The following SLC39A14 variants were observed in gnomAD, a reference collection of about 807,000 sequenced individuals.
The protein encoded by SLC39A14 is metal cation symporter ZIP14.
A neutral mutation model predicts 45.5 loss-of-function variants in SLC39A14; 19 were observed. The observed-to-expected ratio is 0.42, with a 90% CI of 0.29 to 0.61. SLC39A14 has a LOEUF of 0.61. SLC39A14 is among the 20% of genes least tolerant of loss of function. SLC39A14 has a pLI of 0.22. For missense variants in SLC39A14, 447 were observed against 616.5 expected (o/e 0.73, Z 2.91); for synonymous variants, 264 against 251.3 (o/e 1.05, Z -0.48).
Position 22,411,797 on chromosome 8 carries a change from T to C in SLC39A14, c.458-240T>C, listed in dbSNP as rs1008145109. The C allele has an allele frequency of 2.8e-5, 14 of 504,452 alleles. No individual in the cohort carries two copies. In the East Asian group the frequency reaches 4.8e-4, roughly 17 times the overall value. 31.2% of individuals were successfully genotyped at this position (504,452 alleles called of 1,614,324 possible). A position where few individuals can be genotyped will look rare whatever the true frequency, so the allele number is the denominator to read the frequency against. On this transcript the variant is annotated intron_variant, in intron 3 of 8. Coordinates refer to ENST00000381237, the MANE Select transcript of SLC39A14 (RefSeq NM_001128431.4). The stretch of plus-strand genomic sequence containing the variant: ...GGCCACCTTGAATTCCTCTTTCTTC[T>C]GAACTGATTGAAGGAAATTTCATCA...
chr8:22,403,495 G>C (rs1205260696), intron 1 of SLC39A14, among the ~76,000 whole-genome samples: 2 of 149,926 alleles, frequency 1.3e-5, no homozygotes, highest in Middle Eastern at 6.8e-3. Flanking sequence ...TGGCTCAGCT[G>C]GTCTCGAACT....
At position 22,415,580 on chromosome 8, in the gene SLC39A14, G is replaced by A. The variant is rs1835823690; in HGVS notation, c.751-189G>A. ...CACAGTGCTGGGATTACAGGTGTGA[G>A]CCACCGTGCCCGACCATGGCTTTAT... On this transcript the variant is annotated intron_variant, in intron 5 of 8. Transcript: ENST00000381237. The A allele has an allele frequency of 1.8e-5, 10 of 553,610 alleles. No individual in the cohort carries two copies. The South Asian group carries it at 1.9e-4, about 11-fold the overall frequency. 34.3% of individuals were successfully genotyped at this position (553,610 alleles called of 1,614,324 possible).
At chr8:22,429,061 A>G (rs1836429998) in intron 8 of SLC39A14, among the ~76,000 whole-genome samples, 2 of 152,000 alleles carry the variant, frequency 1.3e-5, no homozygotes, top group Non-Finnish European at 2.9e-5. Flanking sequence ...TCGCAAGGTC[A>G]GGAGATCGAG....
rs35981745 is a variant in SLC39A14 at position 22,432,645 on chromosome 8, A to AT, written c.1333-1227dup. Among the ~76,000 whole-genome samples the AT allele has an allele frequency of 8.7e-4, 99 of 114,064 alleles. 1 individual carries two copies. The highest frequency in any genetic ancestry group is 4.4e-3 in the Middle Eastern group (1 of 226). 74.8% of individuals were successfully genotyped at this position (114,064 alleles called of 152,430 possible). On this transcript the variant is annotated intron_variant, in intron 8 of 8. Coordinates refer to the SLC39A14 transcript ENST00000240095. ...AGGTGTTCACCACCGTGCCCGGCTA[A>AT]TTTTTTTTTTTTTTTTTTTGAGATG...
At chr8:22,413,592 A>G (rs796991682) in intron 4 of SLC39A14, among the ~76,000 whole-genome samples, 37 of 152,338 alleles carry the variant, frequency 2.4e-4, no homozygotes, top group African/African-American at 8.4e-4. Flanking sequence ...CATAAAGGCA[A>G]CAAACAGCCC....
intron 2 of SLC39A14, among the ~76,000 whole-genome samples, chr8:22,407,057 G>C (rs1199058252): frequency 6.6e-6 from 1 of 152,236 alleles, no homozygotes; most frequent in East Asian, 1.9e-4. Context: ...TGCCTCCCAA[G>C]GTGACTGTGT....
intron 1 of SLC39A14, among the ~76,000 whole-genome samples, chr8:22,390,899 G>A (rs544473530): frequency 6.6e-6 from 1 of 152,116 alleles, no homozygotes; most frequent in South Asian, 2.1e-4. Flanking sequence ...TAACAGTCCC[G>A]CGGGGAGAGC....
chr8:22,384,151 C>G (rs1833659113), intron 1 of SLC39A14, among the ~76,000 whole-genome samples: 1 of 152,204 alleles, frequency 6.6e-6, no homozygotes, highest in Admixed American at 6.5e-5. Flanking sequence ...CATGGTGACT[C>G]TGGCATCACT....
chr8:22,389,500 G>A (rs1345944857), intron 1 of SLC39A14, among the ~76,000 whole-genome samples: 1 of 152,036 alleles, frequency 6.6e-6, no homozygotes, highest in Non-Finnish European at 1.5e-5. Context: ...CTTGGCTGCA[G>A]GCCCAGCAGT....
chr8:22,422,635 T>C lies in SLC39A14; in HGVS notation c.*2937T>C. 1 of 981,352 alleles carries C rather than the reference T, an allele frequency of 1.0e-6. No individual in the cohort carries two copies. The highest frequency in any genetic ancestry group is 1.2e-6 in the Non-Finnish European group (1 of 826,106). 60.8% of individuals were successfully genotyped at this position (981,352 alleles called of 1,614,324 possible). ...AATTAACTTATGTGGACTGTAAATG[T>C]TTTATTTGTAAGATTCTATAAATAA... On this transcript the variant is annotated 3_prime_UTR_variant, in exon 9 of 9. Coordinates refer to ENST00000381237, the MANE Select transcript of SLC39A14 (RefSeq NM_001128431.4).
chr8:22,420,577 C>G lies in SLC39A14; in HGVS notation c.*879C>G, dbSNP rs1327690346. On this transcript the variant is annotated 3_prime_UTR_variant, in exon 9 of 9. Coordinates refer to ENST00000381237, the MANE Select transcript of SLC39A14 (RefSeq NM_001128431.4). ...CTGCCTCCTAGAAGCACATTCTGAG[C>G]ACATTTGAGACCTCTGTGTTAGAGG... 7 of 985,320 alleles carry G rather than the reference C, an allele frequency of 7.1e-6. No homozygotes were observed. The Admixed American group carries it at 4.3e-4, about 61-fold the overall frequency. 61.0% of individuals were successfully genotyped at this position (985,320 alleles called of 1,614,324 possible). A position where few individuals can be genotyped will look rare whatever the true frequency, so the allele number is the denominator to read the frequency against.
chr8:22,375,446 C>G (rs1212275302), intron 1 of SLC39A14, among the ~76,000 whole-genome samples: 1 of 151,336 alleles, frequency 6.6e-6, no homozygotes, highest in Non-Finnish European at 1.5e-5. Context: ...CTTACCTCGA[C>G]ATCAAAATTT....
Position 22,417,912 on chromosome 8 carries a change from TA to T in SLC39A14, c.1332+78del. The stretch of plus-strand genomic sequence containing the variant: ...TAGGTAGGTAGTTTTTTTTTATTTT[TA>T]TTTTTTTGAGATGGAGTCTCACTCT... On this transcript the variant is annotated intron_variant, in intron 8 of 8. Coordinates refer to ENST00000381237, the MANE Select transcript of SLC39A14 (RefSeq NM_001128431.4). 4.6e-6 allele frequency: 6 copies of T among 1,300,008 alleles called. No individual in the cohort carries two copies. In the African/African-American group the frequency reaches 5.9e-5, roughly 13 times the overall value. The allele number at this position is 1,300,008 out of a possible 1,614,324, so 80.5% of individuals were successfully genotyped here.
At chr8:22,383,354 C>T (rs1226537593) in intron 1 of SLC39A14, among the ~76,000 whole-genome samples, 1 of 152,160 alleles carries the variant, frequency 6.6e-6, no homozygotes, top group African/African-American at 2.4e-5. Flanking sequence ...GCACCTCATC[C>T]ACCCGCACAG....
chr8:22,401,979 C>G (rs533617590), intron 1 of SLC39A14, among the ~76,000 whole-genome samples: 1 of 152,302 alleles, frequency 6.6e-6, no homozygotes, highest in East Asian at 1.9e-4. Context: ...ACACATCTTT[C>G]TGCATATAGC....
At chr8:22,391,675 A>G (rs898725666) in intron 1 of SLC39A14, among the ~76,000 whole-genome samples, 1 of 151,922 alleles carries the variant, frequency 6.6e-6, no homozygotes, top group East Asian at 1.9e-4. Flanking sequence ...GGTTCAAGCA[A>G]TTCTCTGCCT....
chr8:22,387,966 C>T (rs914070907), intron 1 of SLC39A14, among the ~76,000 whole-genome samples: 1 of 152,144 alleles, frequency 6.6e-6, no homozygotes, highest in African/African-American at 2.4e-5. Flanking sequence ...GGTGTGGTGG[C>T]GCATGCCTGT....
chr8:22,415,070 G>A (rs991761165), intron 5 of SLC39A14, 168 bp downstream of exon 5: 164 of 807,292 alleles, frequency 2.0e-4, no homozygotes, highest in Non-Finnish European at 2.6e-4. Flanking sequence ...GAGGATATTT[G>A]GCCAGAAGTG....
intron 1 of SLC39A14, among the ~76,000 whole-genome samples, chr8:22,382,123 C>T (rs1327343286): frequency 6.6e-6 from 1 of 151,920 alleles, no homozygotes; most frequent in Non-Finnish European, 1.5e-5. Context: ...GCCTGGGCAA[C>T]AGAGTGAGAC....
Sources: allele counts gnomAD v4.1 joint callset (sites outside exome capture counted in the v4.1 genomes callset), GRCh38; gene constraint gnomAD v4.1.1; transcripts MANE v1.5; gene names NCBI Gene and HGNC (gene_info 2026-07-23, HGNC 2026-07-21).